The following IRAK2 variants were observed in gnomAD, a reference collection of about 807,000 sequenced individuals.
IRAK2 encodes the protein interleukin-1 receptor-associated kinase-like 2.
In IRAK2, 57 loss-of-function variants were observed where a neutral mutation model predicts 72.0. The ratio of observed to expected loss-of-function variants is 0.79; its 90% CI spans 0.64 to 0.99. The LOEUF is 0.99. IRAK2 is among the 50% of genes least tolerant of loss of function. IRAK2 has a pLI of 0.00. For missense variants in IRAK2, 790 were observed against 794.4 expected (o/e 0.99, Z 0.07); for synonymous variants, 293 against 312.7 (o/e 0.94, Z 0.67).
At chr3:10,234,792 C>T in intron 11 of IRAK2, 133 bp downstream of exon 11, 1 of 779,530 alleles carries the variant, frequency 1.3e-6, no homozygotes, top group Non-Finnish European at 2.1e-6. Flanking sequence ...CCTCCTAGAG[C>T]TCCCATCAGC....
intron 10 of IRAK2, among the ~76,000 whole-genome samples, chr3:10,228,575 T>C (rs1697815077): frequency 6.6e-6 from 1 of 152,220 alleles, no homozygotes; most frequent in Non-Finnish European, 1.5e-5. Flanking sequence ...AATTATTTTT[T>C]TGCTAATGAT....
chr3:10,234,983 C>G (rs1230265916), intron 11 of IRAK2, among the ~76,000 whole-genome samples: 1 of 152,228 alleles, frequency 6.6e-6, no homozygotes. Flanking sequence ...GGGAACGGCT[C>G]TGCCCGCAGT....
At chr3:10,211,590 G>A (rs1016357343) in intron 4 of IRAK2, among the ~76,000 whole-genome samples, 4 of 152,126 alleles carry the variant, frequency 2.6e-5, no homozygotes, top group African/African-American at 9.7e-5. Flanking sequence ...TTGCACTCCA[G>A]CCTTGGTGTC....
chr3:10,201,494 A>G (rs1186604641), intron 3 of IRAK2, among the ~76,000 whole-genome samples: 1 of 152,252 alleles, frequency 6.6e-6, no homozygotes, highest in Non-Finnish European at 1.5e-5. Flanking sequence ...GAGGGAGAGC[A>G]GCTTGCTTAA....
intron 2 of IRAK2, among the ~76,000 whole-genome samples, chr3:10,191,977 G>C (rs183873238): frequency 6.6e-6 from 1 of 151,734 alleles, no homozygotes; most frequent in Non-Finnish European, 1.5e-5. Context: ...AGGAAGGCAG[G>C]CTGTGCTCTC....
intron 10 of IRAK2, 61 bp downstream of exon 10, chr3:10,226,494 G>A: frequency 7.4e-7 from 1 of 1,356,778 alleles, no homozygotes; most frequent in Non-Finnish European, 1.0e-6. Flanking sequence ...TCTGTAGAGA[G>A]GGCAACGACC....
intron 3 of IRAK2, among the ~76,000 whole-genome samples, chr3:10,202,514 G>A (rs1298146120): frequency 4.6e-5 from 7 of 151,942 alleles, no homozygotes; most frequent in South Asian, 4.2e-4. Context: ...TCCCAGCTAC[G>A]CGAGAGGCTG....
intron 4 of IRAK2, among the ~76,000 whole-genome samples, chr3:10,212,545 C>T (rs1455455447): frequency 6.6e-6 from 1 of 152,144 alleles, no homozygotes; most frequent in African/African-American, 2.4e-5. Context: ...TGTTTTATTT[C>T]CTCAGTGCTT....
At chr3:10,187,179 G>T (rs1296957418) in intron 2 of IRAK2, among the ~76,000 whole-genome samples, 4 of 147,886 alleles carry the variant, frequency 2.7e-5, no homozygotes, top group African/African-American at 1.1e-4. Flanking sequence ...CTATAGGTTG[G>T]CTTTGCAGTG....
intron 2 of IRAK2, among the ~76,000 whole-genome samples, chr3:10,181,392 C>T (rs1185832904): frequency 6.6e-6 from 1 of 152,084 alleles, no homozygotes; most frequent in Non-Finnish European, 1.5e-5. Flanking sequence ...GGTAGATCAC[C>T]TGAGGTCAGG....
In IRAK2 at chr3:10,213,279, G is replaced by C. The variant is rs1194794033; in HGVS notation, c.601G>C (p.Ala201Pro). ...TGGAGACAGCCTTTTCTGGAGTGAG[G>C]CAGACGTGGTCCAGGCAACCGATGA... ...LAGDSLFWSE[A>P]DVVQATDDFN... Residue 201 changes from alanine to proline, a missense_variant, in exon 5 of 13, where the codon GCA (alanine) becomes CCA (proline). Physicochemically the swap from Ala to Pro is conservative, Grantham distance 27 (BLOSUM62 -1). Coordinates refer to ENST00000256458, the MANE Select transcript of IRAK2 (RefSeq NM_001570.4). 6.2e-7 allele frequency: 1 copy of C among 1,614,142 alleles called. No individual in the cohort carries two copies. The highest frequency in any genetic ancestry group is 1.3e-5 in the African/African-American group (1 of 75,050).
intron 9 of IRAK2, 67 bp from the exon 10 acceptor site, chr3:10,226,304 A>T: frequency 7.5e-7 from 1 of 1,341,096 alleles, no homozygotes; most frequent in Non-Finnish European, 1.1e-6. Context: ...AAGAGAAGAC[A>T]GAATCTGCTG....
intron 1 of IRAK2, among the ~76,000 whole-genome samples, chr3:10,175,489 C>G (rs998681426): frequency 1.3e-5 from 2 of 152,062 alleles, no homozygotes; most frequent in Non-Finnish European, 2.9e-5. Flanking sequence ...CATGGTGGCT[C>G]ACACCTGCAA....
At chr3:10,241,801 CAAA>C (rs4019566) in intron 12 of IRAK2, among the ~76,000 whole-genome samples, 4 of 83,160 alleles carry the variant, frequency 4.8e-5, no homozygotes, top group Non-Finnish European at 9.1e-5. Flanking sequence ...GACTCCATCT[CAAA>C]AAAAAAAAAA....
In IRAK2 at chr3:10,177,942, C is replaced by CG. The variant is rs745955952; in HGVS notation, c.201dup (p.Gln68AlafsTer31). 64 of 1,613,532 alleles carry CG rather than the reference C, an allele frequency of 4.0e-5. 1 individual carries two copies. In the Admixed American group the frequency reaches 1.1e-3, roughly 26 times the overall value. Reference sequence around the variant, plus strand: ...GGAGCTGCTGTGGTGGTGGGGCATGCGGCAGGCCACCGTCCAGCAACTTGT... The same window carrying CG: ...GGAGCTGCTGTGGTGGTGGGGCATGCGGGCAGGCCACCGTCCAGCAACTTGT... On this transcript the variant is annotated frameshift_variant, in exon 2 of 13. Coordinates refer to ENST00000256458, the MANE Select transcript of IRAK2 (RefSeq NM_001570.4). LOFTEE classifies it high-confidence loss of function.
At chr3:10,230,862 C>T (rs1423823217) in intron 10 of IRAK2, among the ~76,000 whole-genome samples, 1 of 152,172 alleles carries the variant, frequency 6.6e-6, no homozygotes, top group Non-Finnish European at 1.5e-5. Context: ...AATTGATTCT[C>T]CTGCCTCAGT....
At position 10,177,121 on chromosome 3, in the gene IRAK2, G is replaced by C. The variant is rs78459759; in HGVS notation, c.95-717G>C. ...CGGCCTACTTTGTTTATTTTTTGTA[G>C]AGACAGGGTCTCACTATGTTGCCCA... On this transcript the variant is annotated intron_variant, in intron 1 of 12. Transcript: ENST00000256458. Among the ~76,000 whole-genome samples the C allele has an allele frequency of 4.4e-3, 665 of 152,210 alleles. 25 individuals carry two copies. The South Asian group carries it at 0.076, about 17-fold the overall frequency.
At chr3:10,174,567 C>G (rs535033679) in intron 1 of IRAK2, among the ~76,000 whole-genome samples, 1 of 152,038 alleles carries the variant, frequency 6.6e-6, no homozygotes, top group East Asian at 1.9e-4. Context: ...CTCTGTTGCC[C>G]ACGCTGGAGT....
chr3:10,189,397 T>C (rs1575963047), intron 2 of IRAK2, among the ~76,000 whole-genome samples: 1 of 151,818 alleles, frequency 6.6e-6, no homozygotes. Flanking sequence ...CACCGGAGAG[T>C]GAAGGGAAGA....
Sources: gnomAD v4.1 joint callset for allele counts (sites outside exome capture counted in the v4.1 genomes callset) on GRCh38, gnomAD v4.1.1 for gene constraint, MANE v1.5 for transcripts, NCBI Gene and HGNC (gene_info 2026-07-23, HGNC 2026-07-21) for gene names.